Variants in CDH13 observed in about 807,000 individuals in gnomAD.
The protein encoded by CDH13 is cadherin 13.
A neutral mutation model predicts 63.8 loss-of-function variants in CDH13; 24 were observed. That is an observed-to-expected ratio of 0.38 (90% CI 0.27 to 0.53). The LOEUF (loss-of-function observed/expected upper bound fraction) is 0.53. CDH13 is among the 20% of genes least tolerant of loss of function. CDH13 has a pLI of 0.85. For synonymous variants in CDH13, 503 were observed against 355.3 expected (o/e 1.42, Z -4.67); for missense variants, 1,049 against 903.1 (o/e 1.16, Z -2.07).
Position 82,734,466 on chromosome 16 carries a change from G to C in CDH13, c.45+107329G>C, listed in dbSNP as rs995935009. Among the ~76,000 whole-genome samples the C allele has an allele frequency of 2.0e-5, 3 of 152,208 alleles. No homozygotes were observed. The South Asian group carries it at 6.2e-4, about 31-fold the overall frequency. On this transcript the variant is annotated intron_variant, in intron 1 of 13. Transcript: ENST00000567109. ...CGCCTGCAACAGAATGGGCAAAGGG[G>C]TGAGTGGAGGGCAGGGCCTGGGCAC...
chr16:83,686,446 A>G (rs1039460832), intron 10 of CDH13, among the ~76,000 whole-genome samples: 3 of 152,246 alleles, frequency 2.0e-5, no homozygotes, highest in South Asian at 4.1e-4. Context: ...TACATAGTCT[A>G]TTGACTCCAA....
At chr16:83,644,787 G>A (rs186590431) in intron 8 of CDH13, among the ~76,000 whole-genome samples, 2 of 152,310 alleles carry the variant, frequency 1.3e-5, no homozygotes, top group Admixed American at 6.5e-5. Flanking sequence ...AAAGGCCACA[G>A]CAATTGGACG....
chr16:83,573,124 C>T (rs965589768), intron 7 of CDH13, among the ~76,000 whole-genome samples: 1 of 152,134 alleles, frequency 6.6e-6, no homozygotes, highest in Non-Finnish European at 1.5e-5. Flanking sequence ...TAACACATTG[C>T]TGAGCTGCCA....
At chr16:82,926,354 G>C (rs1173687678) in intron 2 of CDH13, among the ~76,000 whole-genome samples, 2 of 151,990 alleles carry the variant, frequency 1.3e-5, no homozygotes, top group South Asian at 4.1e-4. Context: ...GGCTTTTAAA[G>C]GTATTAAAAC....
chr16:82,837,286 C>G lies in CDH13; in HGVS notation c.46-21076C>G, dbSNP rs375444378. ...GGTGGTGAGCATGGGGAGAGCTTGC[C>G]TACCTCAGAGGCTTGTGGTGAGGAT... On this transcript the variant is annotated intron_variant, in intron 1 of 13. Coordinates refer to ENST00000567109, the MANE Select transcript of CDH13 (RefSeq NM_001257.5). Among the ~76,000 whole-genome samples the G allele has an allele frequency of 2.3e-4, 35 of 152,208 alleles. No homozygotes were observed. The East Asian group carries it at 6.2e-3, about 27-fold the overall frequency.
intron 7 of CDH13, among the ~76,000 whole-genome samples, chr16:83,505,163 C>G (rs1357809345): frequency 6.6e-6 from 1 of 152,180 alleles, no homozygotes; most frequent in African/African-American, 2.4e-5. Context: ...GCTCTTATTT[C>G]CACATTAAGT....
intron 6 of CDH13, among the ~76,000 whole-genome samples, chr16:83,406,675 A>G (rs1254522568): frequency 6.6e-6 from 1 of 152,112 alleles, no homozygotes; most frequent in Non-Finnish European, 1.5e-5. Context: ...CATATTGGTC[A>G]AGCTGGTCTT....
intron 2 of CDH13, among the ~76,000 whole-genome samples, chr16:82,926,611 C>T (rs2042310536): frequency 6.6e-6 from 1 of 152,192 alleles, no homozygotes; most frequent in African/African-American, 2.4e-5. Flanking sequence ...AAGAGGGAGG[C>T]ACAGAAGCTC....
intron 11 of CDH13, among the ~76,000 whole-genome samples, chr16:83,759,839 G>T (rs1054414477): frequency 6.6e-6 from 1 of 151,470 alleles, no homozygotes; most frequent in Admixed American, 6.6e-5. Flanking sequence ...GAGGCAGGAC[G>T]ATCACTTGAG....
At chr16:83,561,571 A>T (rs1346999160) in intron 7 of CDH13, among the ~76,000 whole-genome samples, 1 of 152,200 alleles carries the variant, frequency 6.6e-6, no homozygotes, top group African/African-American at 2.4e-5. Context: ...TTTATTGAGT[A>T]TTTACTAGGC....
At chr16:83,046,987 T>G (rs1917848329) in intron 3 of CDH13, among the ~76,000 whole-genome samples, 1 of 152,210 alleles carries the variant, frequency 6.6e-6, no homozygotes, top group South Asian at 2.1e-4. Flanking sequence ...ATCAGATGGT[T>G]TCCTCAACTG....
chr16:83,756,396 C>T (rs1371388807), intron 11 of CDH13, among the ~76,000 whole-genome samples: 2 of 152,138 alleles, frequency 1.3e-5, no homozygotes, highest in Non-Finnish European at 2.9e-5. Flanking sequence ...GAAAAATATA[C>T]CTTGATAGTA....
chr16:83,014,804 G>GTGTA, intron 2 of CDH13, among the ~76,000 whole-genome samples: 1 of 52,722 alleles, frequency 1.9e-5, no homozygotes, highest in South Asian at 7.4e-4. Flanking sequence ...ATATATATAT[G>GTGTA]TATATATATT....
chr16:83,313,321 G>C (rs1042219582), intron 5 of CDH13, among the ~76,000 whole-genome samples: 2 of 152,108 alleles, frequency 1.3e-5, no homozygotes, highest in Non-Finnish European at 2.9e-5. Context: ...TGAAATTGTG[G>C]ATTCTGCAAA....
At chr16:83,789,858 G>A (rs930548720) in intron 13 of CDH13, 2 of 151,282 alleles carry the variant, frequency 1.3e-5, no homozygotes, top group African/African-American at 2.4e-5. Context: ...TTTCCATATC[G>A]CCTGTGCCCG....
At chr16:82,771,345 T>C (rs2035255062) in intron 1 of CDH13, among the ~76,000 whole-genome samples, 1 of 152,256 alleles carries the variant, frequency 6.6e-6, no homozygotes, top group Non-Finnish European at 1.5e-5. Flanking sequence ...ACATAAACTT[T>C]CCAAGTTTGG....
intron 4 of CDH13, among the ~76,000 whole-genome samples, chr16:83,137,516 G>A (rs776016481): frequency 6.6e-6 from 1 of 152,148 alleles, no homozygotes; most frequent in East Asian, 1.9e-4. Flanking sequence ...AGCAAAAAAC[G>A]GCTTTCTTTG....
chr16:83,625,889 T>C (rs1567463903), intron 8 of CDH13, among the ~76,000 whole-genome samples: 1 of 152,054 alleles, frequency 6.6e-6, no homozygotes, highest in Non-Finnish European at 1.5e-5. Flanking sequence ...CAAGCAATAG[T>C]GTGATGTGAG....
intron 10 of CDH13, 114 bp downstream of exon 10, chr16:83,678,575 A>G: frequency 1.5e-6 from 2 of 1,310,534 alleles, no homozygotes; most frequent in Non-Finnish European, 2.1e-6. Flanking sequence ...CTTGTTAACA[A>G]TCTCAGCAAG....
Sources: allele counts gnomAD v4.1 joint callset (sites outside exome capture counted in the v4.1 genomes callset), GRCh38; gene constraint gnomAD v4.1.1; transcripts MANE v1.5; gene names NCBI Gene and HGNC (gene_info 2026-07-23, HGNC 2026-07-21).